The following TGFBR2 variants were observed in gnomAD, a reference collection of about 807,000 sequenced individuals.
TGFBR2 encodes the protein transforming growth factor beta receptor 2, also known as TGF-beta receptor type-2.
Under a neutral mutation model 49.0 loss-of-function variants are expected in TGFBR2, and 18 were observed. That is an observed-to-expected ratio of 0.37 (90% CI 0.25 to 0.54). TGFBR2 has a LOEUF of 0.54. Among genes scored for constraint, TGFBR2 ranks in the 20% least tolerant of loss-of-function variants. TGFBR2 has a pLI of 0.85. For missense variants in TGFBR2, 525 were observed against 722.6 expected (o/e 0.73, Z 3.13); for synonymous variants, 282 against 275.9 (o/e 1.02, Z -0.22).
In TGFBR2 at chr3:30,672,207, A is replaced by T. The variant is rs750658746; in HGVS notation, c.1024A>T (p.Ile342Phe). 5 of 1,611,502 alleles carry T rather than the reference A, an allele frequency of 3.1e-6. No individual in the cohort carries two copies. Among genetic ancestry groups the T allele is most frequent in the South Asian group, 1.1e-5 (1 of 91,046 alleles). Residue 342 changes from isoleucine to phenylalanine, a missense_variant, in exon 4 of 7, where the codon ATC (isoleucine) becomes TTC (phenylalanine). By Grantham distance (21) the Ile-to-Phe change is conservative. Coordinates refer to ENST00000295754, the MANE Select transcript of TGFBR2 (RefSeq NM_003242.6). The surrounding 1 kb of genome is among the most constrained non-coding windows in gnomAD (Gnocchi z 4.5). ...ACAGGAGTACCTGACGCGGCATGTC[A>T]TCAGCTGGGAGGACCTGCGCAAGCT... is the stretch of plus-strand genomic sequence containing the variant. ...NLQEYLTRHV[I>F]SWEDLRKLGS...
chr3:30,630,863 G>T (rs974788418), intron 1 of TGFBR2, among the ~76,000 whole-genome samples: 1 of 152,084 alleles, frequency 6.6e-6, no homozygotes, highest in Non-Finnish European at 1.5e-5. Context: ...AGGAAAGGGG[G>T]CTCTTACGAG....
intron 1 of TGFBR2, among the ~76,000 whole-genome samples, chr3:30,641,178 A>G (rs1047549449): frequency 2.0e-5 from 3 of 152,152 alleles, no homozygotes; most frequent in Non-Finnish European, 2.9e-5. Flanking sequence ...GCCTCAGAGA[A>G]TCTGCAAACC....
intron 3 of TGFBR2, among the ~76,000 whole-genome samples, chr3:30,669,738 CG>C (rs1486089539): frequency 6.6e-6 from 1 of 152,200 alleles, no homozygotes; most frequent in African/African-American, 2.4e-5. Flanking sequence ...GGCATTCACC[CG>C]TGCAAGCTCC....
intron 1 of TGFBR2, chr3:30,623,288 A>G: frequency 6.2e-7 from 1 of 1,613,798 alleles, no homozygotes; most frequent in Non-Finnish European, 8.5e-7. Context: ...AGTATCATTA[A>G]TTAATCTTTT....
At chr3:30,647,914 T>G (rs1175811071) in intron 2 of TGFBR2, among the ~76,000 whole-genome samples, 6 of 152,130 alleles carry the variant, frequency 3.9e-5, no homozygotes, top group African/African-American at 9.7e-5. Context: ...CCTGACCTTG[T>G]GATCCGCCTG....
rs779879945 is a variant in TGFBR2, at chr3:30,672,497, G to A, written c.1254+60G>A. 1.0e-4 allele frequency: 155 copies of A among 1,553,220 alleles called. 1 individual carries two copies. In the Middle Eastern group the frequency reaches 2.2e-3, roughly 22 times the overall value. ...TGAGCCTGGCCTCACCCTACCTCTT[G>A]ATCCATATCTCCTGGCTCTTATCTC... is the stretch of plus-strand genomic sequence containing the variant. On this transcript the variant is annotated intron_variant, in intron 4 of 6. Transcript: ENST00000295754. The surrounding 1 kb of genome is among the most constrained non-coding windows in gnomAD (Gnocchi z 4.5).
intron 6 of TGFBR2, among the ~76,000 whole-genome samples, chr3:30,688,778 T>C (rs1250340861): frequency 1.3e-5 from 2 of 152,266 alleles, no homozygotes; most frequent in Non-Finnish European, 2.9e-5. Flanking sequence ...GGTCCTGGGT[T>C]AAAACATTTT....
intron 3 of TGFBR2, chr3:30,661,575 A>G (rs1304059315): frequency 1.9e-6 from 1 of 516,134 alleles, no homozygotes; most frequent in Non-Finnish European, 3.9e-6. Flanking sequence ...ATCGATTGCA[A>G]AGGAGCACTT....
intron 3 of TGFBR2, among the ~76,000 whole-genome samples, chr3:30,657,833 T>C (rs1699036369): frequency 6.6e-6 from 1 of 152,220 alleles, no homozygotes; most frequent in Middle Eastern, 3.2e-3. Context: ...GTATGTTTAC[T>C]GTAAAGAATG....
chr3:30,671,734 T>C lies in TGFBR2; in HGVS notation c.551T>C (p.Ile184Thr). 6.2e-7 allele frequency: 1 copy of C among 1,614,238 alleles called. No individual in the cohort carries two copies. Among genetic ancestry groups the C allele is most frequent in the South Asian group, 1.1e-5 (1 of 91,090 alleles). Reference sequence around the variant, plus strand: ...CTGGGAGTTGCCATATCTGTCATCATCATCTTCTACTGCTACCGCGTTAAC... The same window carrying C: ...CTGGGAGTTGCCATATCTGTCATCACCATCTTCTACTGCTACCGCGTTAAC... The part of the protein sequence containing the change: ...PPLGVAISVI[I>T]IFYCYRVNRQ... Residue 184 changes from isoleucine (I) to threonine (T), a missense_variant, in exon 4 of 7, where the codon ATC becomes ACC. This residue lies in a region of TGFBR2 where 376 missense variants were observed against 478.2 expected (regional missense o/e 0.79). Transcript: ENST00000295754.
intron 3 of TGFBR2, among the ~76,000 whole-genome samples, chr3:30,665,545 A>G (rs1264158890): frequency 2.6e-5 from 4 of 152,198 alleles, no homozygotes; most frequent in Non-Finnish European, 4.4e-5. Flanking sequence ...CTTCTCCTCA[A>G]ATTCTACACT....
At chr3:30,620,214 T>A (rs764259454) in intron 1 of TGFBR2, among the ~76,000 whole-genome samples, 15 of 152,096 alleles carry the variant, frequency 9.9e-5, no homozygotes, top group Non-Finnish European at 2.2e-4. Context: ...ACAAAACTCT[T>A]ACTAGAATGA....
chr3:30,664,418 A>G (rs1199872690), intron 3 of TGFBR2, among the ~76,000 whole-genome samples: 1 of 152,214 alleles, frequency 6.6e-6, no homozygotes, highest in Non-Finnish European at 1.5e-5. Context: ...TCACTCATAG[A>G]GGCCAGACTT....
chr3:30,672,196 C>T lies in TGFBR2; in HGVS notation c.1013C>T (p.Thr338Met), dbSNP rs752866783. Residue 338 changes from threonine (T) to methionine (M), a missense_variant, in exon 4 of 7, where the codon ACG becomes ATG. Physicochemically the swap from Thr to Met is moderately conservative, Grantham distance 81. Around this residue, in one of 3 missense-constraint regions of TGFBR2, gnomAD observed 376 missense variants for 478.2 expected, o/e 0.79. Coordinates refer to ENST00000295754, the MANE Select transcript of TGFBR2 (RefSeq NM_003242.6). This position sits in a 1 kb window ranked among gnomAD's most constrained non-coding sequence, Gnocchi z 4.5. ...HAKGNLQEYL[T>M]RHVISWEDLR... ...AAGGGCAACCTACAGGAGTACCTGA[C>T]GCGGCATGTCATCAGCTGGGAGGAC... 22 of 1,612,138 alleles carry T rather than the reference C, an allele frequency of 1.4e-5. No homozygotes were observed. The highest frequency in any genetic ancestry group is 1.3e-4 in the African/African-American group (10 of 74,908).
chr3:30,671,303 G>GTT (rs932765660), intron 3 of TGFBR2, among the ~76,000 whole-genome samples: 60 of 152,236 alleles, frequency 3.9e-4, no homozygotes, highest in African/African-American at 1.4e-3. Context: ...AGTTCATTTA[G>GTT]TTTAAGTTGT....
At chr3:30,675,109 G>A (rs146686738) in intron 5 of TGFBR2, among the ~76,000 whole-genome samples, 14 of 152,232 alleles carry the variant, frequency 9.2e-5, no homozygotes, top group African/African-American at 3.1e-4. Context: ...GAACAGTTGA[G>A]GTCTACATTA....
rs139556127 is a variant in TGFBR2, at chr3:30,619,595, A to G, written c.94+12618A>G. ...ATCTATTCCACCCTTCACATCCCTC[A>G]TGCCCTGGTTCCACTTGAACCCAGC... is the stretch of plus-strand genomic sequence containing the variant. On this transcript the variant is annotated intron_variant, in intron 1 of 6. Coordinates refer to ENST00000295754, the MANE Select transcript of TGFBR2 (RefSeq NM_003242.6). 2.0e-3 allele frequency among the ~76,000 whole-genome samples: 300 copies of G among 152,046 alleles called. 2 individuals carry two copies. Among genetic ancestry groups the G allele is most frequent in the Admixed American group, 3.5e-3 (54 of 15,288 alleles).
At chr3:30,641,277 C>T (rs1698639254) in intron 1 of TGFBR2, among the ~76,000 whole-genome samples, 1 of 152,190 alleles carries the variant, frequency 6.6e-6, no homozygotes. Flanking sequence ...TAGGTGACTC[C>T]AGCAAAGGTT....
At chr3:30,639,730 CA>C (rs1163409278) in intron 1 of TGFBR2, among the ~76,000 whole-genome samples, 1 of 152,086 alleles carries the variant, frequency 6.6e-6, no homozygotes, top group Non-Finnish European at 1.5e-5. Flanking sequence ...ATTTGTAGAA[CA>C]AATAAATTTC....
Sources: allele counts gnomAD v4.1 joint callset (sites outside exome capture counted in the v4.1 genomes callset), GRCh38; gene constraint gnomAD v4.1.1; regional missense constraint gnomAD v4.1.1; non-coding constraint Gnocchi (gnomAD v3.1); transcripts MANE v1.5; gene names NCBI Gene and HGNC (gene_info 2026-07-23, HGNC 2026-07-21).